The following C6orf163 variants were observed in gnomAD, a reference collection of about 807,000 sequenced individuals.
C6orf163 encodes chromosome 6 open reading frame 163, also known as uncharacterized protein C6orf163.
A neutral mutation model predicts 28.4 loss-of-function variants in C6orf163; 22 were observed. The ratio of observed to expected loss-of-function variants is 0.78; its 90% CI spans 0.55 to 1.11. The LOEUF is 1.11. Ranked by LOEUF, C6orf163 falls within the 50% of genes least tolerant of loss-of-function variation. The probability of loss-of-function intolerance (pLI) is 0.00; values close to 1 mark genes in which losing one functional copy is unlikely to be tolerated. For missense variants in C6orf163, 342 were observed against 389.1 expected, an observed-to-expected ratio of 0.88 and a Z score of 1.02; for synonymous variants, 110 against 123.6, an observed-to-expected ratio of 0.89 and a Z score of 0.73.
intron 1 of C6orf163, among the ~76,000 whole-genome samples, chr6:87,346,510 T>C (rs1370490319): frequency 1.1e-4 from 17 of 152,234 alleles, no homozygotes; most frequent in Non-Finnish European, 2.4e-4. Context: ...GTTAAATCTA[T>C]TGTTAGAAAT....
chr6:87,348,650 A>G lies in C6orf163; in HGVS notation c.149-162A>G, dbSNP rs565759000. The G allele has an allele frequency of 1.9e-5, 26 of 1,398,850 alleles. No individual in the cohort carries two copies. In the East Asian group the frequency reaches 6.7e-4, roughly 36 times the overall value. The allele number at this position is 1,398,850 out of a possible 1,614,324, so 86.7% of individuals were successfully genotyped here. On this transcript the variant is annotated intron_variant, in intron 1 of 4. Transcript: ENST00000388923. Reference sequence around the variant, plus strand: ...GCTGTGAATTCCCTCCTAATCAGAGAAAATCTTACTCTTTCAATGGGTATC... The same window carrying G: ...GCTGTGAATTCCCTCCTAATCAGAGGAAATCTTACTCTTTCAATGGGTATC...
chr6:87,348,424 G>C (rs957096434), intron 1 of C6orf163: 4 of 992,988 alleles, frequency 4.0e-6, no homozygotes, highest in Non-Finnish European at 4.8e-6. Flanking sequence ...TTCTCCTGAT[G>C]CTAGCCCTAG....
chr6:87,365,388 C>A lies in C6orf163; in HGVS notation c.982C>A (p.Leu328Ile). ...NLVIKENKTTLD is the reference protein window; with the variant it reads ...NLVIKENKTTID ...TGTTATTAAGGAGAACAAAACAACT[C>A]TTGATTAGAAGTCTTCAGTTGAAAT... The change falls in exon 5 of 5, where the codon CTT (leucine) becomes ATT (isoleucine). Residue 328 changes from leucine (L) to isoleucine (I), a missense_variant. Coordinates refer to ENST00000388923, the MANE Select transcript of C6orf163 (RefSeq NM_001010868.3). The A allele has an allele frequency of 6.6e-7, 1 of 1,518,826 alleles. No homozygotes were observed. Among genetic ancestry groups the A allele is most frequent in the South Asian group, 1.2e-5 (1 of 80,028 alleles). 94.1% of individuals were successfully genotyped at this position (1,518,826 alleles called of 1,614,324 possible).
At chr6:87,364,406 T>C (rs1409612012) in intron 4 of C6orf163, among the ~76,000 whole-genome samples, 1 of 152,218 alleles carries the variant, frequency 6.6e-6, no homozygotes, top group African/African-American at 2.4e-5. Flanking sequence ...ACTGTTAATG[T>C]CAATGCCTAT....
Position 87,365,222 on chromosome 6 carries a change from A to C in C6orf163, c.816A>C (p.Thr272=). Residue 272 remains threonine, a synonymous_variant, in exon 5 of 5, where the codon ACA becomes ACC. Transcript: ENST00000388923. ...LSIAKQLGIM[T]NWKDFLEEEL... ...TAGCAAAACAACTGGGAATCATGAC[A>C]AATTGGAAAGATTTCCTAGAGGAGG... is the stretch of plus-strand genomic sequence containing the variant. The C allele has an allele frequency of 6.4e-7, 1 of 1,551,780 alleles. No individual in the cohort carries two copies. The highest frequency in any genetic ancestry group is 8.7e-7 in the Non-Finnish European group (1 of 1,147,010).
At chr6:87,358,988 T>C (rs867996863) in intron 4 of C6orf163, 1 of 152,216 alleles carries the variant, frequency 6.6e-6, no homozygotes. Context: ...TATGTGAGTT[T>C]TCTAGAGGGT....
intron 2 of C6orf163, among the ~76,000 whole-genome samples, 161 bp downstream of exon 2, chr6:87,349,067 T>A (rs1582104564): frequency 1.3e-5 from 2 of 152,296 alleles, no homozygotes; most frequent in African/African-American, 4.8e-5. Context: ...CTTGGTTTCT[T>A]CATTGTAAAA....
chr6:87,359,655 C>T (rs753873461), intron 4 of C6orf163, among the ~76,000 whole-genome samples: 1 of 152,060 alleles, frequency 6.6e-6, no homozygotes, highest in Non-Finnish European at 1.5e-5. Context: ...TTATTTTTTC[C>T]CTATTAGTTA....
At position 87,345,142 on chromosome 6, in the gene C6orf163, G is replaced by A. The variant is rs1777303507; in HGVS notation, c.43G>A (p.Val15Ile). The A allele has an allele frequency of 6.5e-7, 1 of 1,535,954 alleles. No individual in the cohort carries two copies. Among genetic ancestry groups the A allele is most frequent in the South Asian group, 1.2e-5 (1 of 83,694 alleles). The change falls in exon 1 of 5, where the codon GTT becomes ATT. Residue 15 changes from valine to isoleucine, a missense_variant. Coordinates refer to ENST00000388923, the MANE Select transcript of C6orf163 (RefSeq NM_001010868.3). Reference protein sequence around the residue: ...SDYKNFVCCAVCNKIIPPAPF... With the variant: ...SDYKNFVCCAICNKIIPPAPF... ...TTACAAAAACTTTGTTTGCTGTGCT[G>A]TTTGTAATAAAATAATTCCACCAGC... is the stretch of plus-strand genomic sequence containing the variant.
At chr6:87,347,609 C>T (rs1205295113) in intron 1 of C6orf163, 35 of 985,174 alleles carry the variant, frequency 3.6e-5, no homozygotes, top group Middle Eastern at 5.2e-4. Context: ...GACTCTGTGC[C>T]GCCAAACATA....
chr6:87,359,559 C>T (rs1465085435), intron 4 of C6orf163, among the ~76,000 whole-genome samples: 1 of 152,160 alleles, frequency 6.6e-6, no homozygotes, highest in Non-Finnish European at 1.5e-5. Context: ...ACTAACAGTC[C>T]TATAGTTCTA....
At chr6:87,363,664 A>G (rs1376531717) in intron 4 of C6orf163, among the ~76,000 whole-genome samples, 1 of 151,852 alleles carries the variant, frequency 6.6e-6, no homozygotes, top group East Asian at 1.9e-4. Flanking sequence ...TGTCCCTACA[A>G]AGGACATGAA....
intron 4 of C6orf163, chr6:87,358,141 G>C (rs1777533541): frequency 6.6e-6 from 1 of 152,178 alleles, no homozygotes; most frequent in Non-Finnish European, 1.5e-5. Context: ...CCACTGTTGA[G>C]AATTCTATGC....
rs867493845 is a variant in C6orf163 at position 87,347,620 on chromosome 6, T to C, written c.149-1192T>C. 10 of 985,304 alleles carry C rather than the reference T, an allele frequency of 1.0e-5. No homozygotes were observed. The African/African-American group carries it at 1.6e-4, about 15-fold the overall frequency. The allele number at this position is 985,304 out of a possible 1,614,324, so 61.0% of individuals were successfully genotyped here. On this transcript the variant is annotated intron_variant, in intron 1 of 4. Coordinates refer to ENST00000388923, the MANE Select transcript of C6orf163 (RefSeq NM_001010868.3). Reference sequence around the variant, plus strand: ...AGGAGACTCTGTGCCGCCAAACATATACTTTTAATTGCTAGTGACAGAAAC... The same window carrying C: ...AGGAGACTCTGTGCCGCCAAACATACACTTTTAATTGCTAGTGACAGAAAC...
intron 4 of C6orf163, among the ~76,000 whole-genome samples, chr6:87,358,879 C>T (rs1224374226): frequency 1.3e-5 from 2 of 152,136 alleles, no homozygotes; most frequent in African/African-American, 2.4e-5. Flanking sequence ...CCAAAGGTCA[C>T]AGAGGAAAGA....
Position 87,365,101 on chromosome 6 carries a change from T to C in C6orf163, c.695T>C (p.Val232Ala). The C allele has an allele frequency of 6.4e-7, 1 of 1,551,718 alleles. No individual in the cohort carries two copies. The highest frequency in any genetic ancestry group is 8.7e-7 in the Non-Finnish European group (1 of 1,147,040). ...GCTCAGAGGCAGAGGCAAGAAGAGG[T>C]ACAGGAAGTGCTTCAAGAAGCAGAG... ...GIAQRQRQEE[V>A]QEVLQEAEKT... The change falls in exon 5 of 5, where the codon GTA becomes GCA. Residue 232 changes from valine to alanine, a missense_variant. Coordinates refer to ENST00000388923, the MANE Select transcript of C6orf163 (RefSeq NM_001010868.3).
chr6:87,361,156 A>G (rs970904706), intron 4 of C6orf163, among the ~76,000 whole-genome samples: 47 of 152,082 alleles, frequency 3.1e-4, no homozygotes, highest in African/African-American at 9.9e-4. Flanking sequence ...ATGGTCGCAC[A>G]TGCCTGTAGT....
chr6:87,360,258 T>A (rs1458761991), intron 4 of C6orf163, among the ~76,000 whole-genome samples: 1 of 139,258 alleles, frequency 7.2e-6, no homozygotes, highest in Non-Finnish European at 1.6e-5. Context: ...TATGATAAGC[T>A]TTCTAGGCCC....
Position 87,365,122 on chromosome 6 carries a change from CA to C in C6orf163, c.717del (p.Glu240ArgfsTer11). 1 of 1,551,938 alleles carries C rather than the reference CA, an allele frequency of 6.4e-7. No individual in the cohort carries two copies. On this transcript the variant is annotated frameshift_variant, in exon 5 of 5. Coordinates refer to ENST00000388923, the MANE Select transcript of C6orf163 (RefSeq NM_001010868.3). LOFTEE classifies it high-confidence loss of function. Reference protein sequence around the residue: ...QEEVQEVLQEAEKTHQATLGN... With the variant: ...QEEVQEVLQEXEKTHQATLGN... ...GAGGTACAGGAAGTGCTTCAAGAAG[CA>C]GAGAAAACACATCAGGCCACTCTTG...
Sources: gnomAD v4.1 joint callset for allele counts (sites outside exome capture counted in the v4.1 genomes callset) on GRCh38, gnomAD v4.1.1 for gene constraint, MANE v1.5 for transcripts, NCBI Gene and HGNC (gene_info 2026-07-23, HGNC 2026-07-21) for gene names.